LRBA: variants seen among roughly 807,000 people sequenced by gnomAD.
LRBA encodes lipopolysaccharide-responsive and beige-like anchor protein.
Under a neutral mutation model 330.0 loss-of-function variants are expected in LRBA, and 176 were observed. The ratio of observed to expected loss-of-function variants is 0.53; its 90% confidence interval spans 0.47 to 0.60. The LOEUF (loss-of-function observed/expected upper bound fraction) is 0.60. Among genes scored for constraint, LRBA ranks in the 20% least tolerant of loss-of-function variants. The pLI is 0.00. For synonymous variants in LRBA, 1,230 were observed against 1,193.0 expected (o/e 1.03, Z -0.64); for missense variants, 3,259 against 3,444.8 (o/e 0.95, Z 1.35).
chr4:150,599,151 C>A lies in LRBA; in HGVS notation c.5922-20G>T. On this transcript the variant is annotated intron_variant, in intron 37 of 56. Coordinates refer to ENST00000651943, the MANE Select transcript of LRBA (RefSeq NM_001364905.1). ...GGACGACTACAATGAAACAGAGAAG[C>A]CACATATGTTAGCAATTATCAAACA... 1.2e-6 allele frequency: 2 copies of A among 1,612,832 alleles called. No homozygotes were observed. The highest frequency in any genetic ancestry group is 4.5e-5 in the East Asian group (2 of 44,838).
At chr4:150,438,518 T>C (rs775970014) in intron 44 of LRBA, among the ~76,000 whole-genome samples, 64 of 152,088 alleles carry the variant, frequency 4.2e-4, no homozygotes, top group Non-Finnish European at 7.6e-4. Flanking sequence ...AAAAATTCTT[T>C]ATTTAAAAAA....
chr4:150,451,893 T>G (rs571492953), intron 44 of LRBA, among the ~76,000 whole-genome samples: 1 of 152,128 alleles, frequency 6.6e-6, no homozygotes, highest in East Asian at 1.9e-4. Flanking sequence ...ATAACCCGAA[T>G]AGCACTTTAT....
At chr4:150,982,095 C>T (rs1740915459) in intron 2 of LRBA, among the ~76,000 whole-genome samples, 1 of 151,604 alleles carries the variant, frequency 6.6e-6, no homozygotes, top group South Asian at 2.1e-4. Context: ...ATGTACAGGC[C>T]AAAACACATC....
intron 47 of LRBA, among the ~76,000 whole-genome samples, chr4:150,370,597 A>G (rs900857310): frequency 2.0e-5 from 3 of 152,208 alleles, no homozygotes; most frequent in African/African-American, 7.2e-5. Flanking sequence ...TCTGTATGGT[A>G]CTATACATTT....
intron 48 of LRBA, among the ~76,000 whole-genome samples, chr4:150,336,151 T>C (rs1357177941): frequency 6.6e-6 from 1 of 152,200 alleles, no homozygotes; most frequent in Non-Finnish European, 1.5e-5. Flanking sequence ...GTATAGATTA[T>C]TTCACCACCC....
intron 37 of LRBA, among the ~76,000 whole-genome samples, chr4:150,645,199 C>A (rs1779013258): frequency 1.5e-5 from 2 of 130,238 alleles, no homozygotes; most frequent in Non-Finnish European, 3.4e-5. Context: ...AGGGCATAGA[C>A]TGATTTTTTT....
chr4:150,993,441 A>C (rs1187542209), intron 2 of LRBA, among the ~76,000 whole-genome samples: 1 of 152,200 alleles, frequency 6.6e-6, no homozygotes, highest in African/African-American at 2.4e-5. Context: ...TAGTAGGCTC[A>C]CACCTGTAAC....
intron 31 of LRBA, among the ~76,000 whole-genome samples, chr4:150,813,748 A>C (rs1249499326): frequency 6.6e-6 from 1 of 152,134 alleles, no homozygotes; most frequent in Non-Finnish European, 1.5e-5. Flanking sequence ...TGAAGATATC[A>C]TGTGAATATA....
At chr4:150,596,025 A>G (rs1441448133) in intron 38 of LRBA, among the ~76,000 whole-genome samples, 1 of 151,978 alleles carries the variant, frequency 6.6e-6, no homozygotes, top group Non-Finnish European at 1.5e-5. Flanking sequence ...CATAAGAGGA[A>G]GTATTAATTT....
intron 47 of LRBA, among the ~76,000 whole-genome samples, chr4:150,395,819 A>G (rs892451741): frequency 6.6e-6 from 1 of 152,196 alleles, no homozygotes; most frequent in African/African-American, 2.4e-5. Context: ...GTCAAATATC[A>G]GTGTCTGGGA....
intron 2 of LRBA, among the ~76,000 whole-genome samples, chr4:150,944,511 G>A (rs1736030611): frequency 6.6e-6 from 1 of 151,966 alleles, no homozygotes; most frequent in Admixed American, 6.6e-5. Flanking sequence ...ACTGCAGACT[G>A]GCTTACCCAA....
chr4:150,389,676 CAAAA>C (rs34170088), intron 47 of LRBA, among the ~76,000 whole-genome samples: 1 of 80,090 alleles, frequency 1.2e-5, no homozygotes, highest in Non-Finnish European at 2.3e-5. Flanking sequence ...GACTCTGTCT[CAAAA>C]AAAAAAAAAA....
At chr4:150,875,705 A>T (rs1021731690) in intron 17 of LRBA, among the ~76,000 whole-genome samples, 1 of 152,198 alleles carries the variant, frequency 6.6e-6, no homozygotes, top group Admixed American at 6.5e-5. Flanking sequence ...GAAGACAAAA[A>T]AATAATAATA....
intron 34 of LRBA, among the ~76,000 whole-genome samples, chr4:150,791,686 A>C (rs1410335485): frequency 3.9e-5 from 6 of 152,144 alleles, no homozygotes; most frequent in Non-Finnish European, 8.8e-5. Flanking sequence ...GCTATACAAA[A>C]CTTCGTATCA....
At chr4:150,527,012 A>C (rs1410702651) in intron 40 of LRBA, among the ~76,000 whole-genome samples, 1 of 144,680 alleles carries the variant, frequency 6.9e-6, no homozygotes, top group Non-Finnish European at 1.5e-5. Flanking sequence ...CTTTTCTTCT[A>C]CTTTTTTTTT....
chr4:150,884,746 C>G (rs1204605609), intron 17 of LRBA, among the ~76,000 whole-genome samples: 1 of 151,952 alleles, frequency 6.6e-6, no homozygotes, highest in African/African-American at 2.4e-5. Flanking sequence ...TCTAGAGTTG[C>G]CCAGTTTTCA....
At chr4:150,601,190 G>A (rs1774075235) in intron 37 of LRBA, among the ~76,000 whole-genome samples, 1 of 152,182 alleles carries the variant, frequency 6.6e-6, no homozygotes, top group Non-Finnish European at 1.5e-5. Context: ...TGCAAAGGTA[G>A]TAAATTATTA....
intron 53 of LRBA, among the ~76,000 whole-genome samples, chr4:150,300,308 C>A (rs781449016): frequency 1.1e-4 from 16 of 152,006 alleles, no homozygotes; most frequent in Non-Finnish European, 1.6e-4. Flanking sequence ...AGATACATTA[C>A]AATTTTCTAA....
intron 37 of LRBA, among the ~76,000 whole-genome samples, chr4:150,652,988 AT>A (rs111958325): frequency 1.3e-5 from 2 of 151,342 alleles, no homozygotes; most frequent in African/African-American, 2.4e-5. Context: ...CCAGATATCA[AT>A]TTTTTTTTGC....
Sources: allele counts gnomAD v4.1 joint callset (sites outside exome capture counted in the v4.1 genomes callset), GRCh38; gene constraint gnomAD v4.1.1; transcripts MANE v1.5; gene names NCBI Gene and HGNC (gene_info 2026-07-23, HGNC 2026-07-21).